Variants in GPM6A observed in about 807,000 individuals in gnomAD.
The protein encoded by GPM6A is glycoprotein M6A, also known as neuronal membrane glycoprotein M6-a.
A neutral mutation model predicts 32.1 loss-of-function variants in GPM6A; 7 were observed. The observed-to-expected ratio is 0.22, with a 90% CI of 0.12 to 0.41. The LOEUF (loss-of-function observed/expected upper bound fraction) is 0.41, where lower values mean the gene tolerates loss of function less well. Among genes scored for constraint, GPM6A ranks in the 10% least tolerant of loss-of-function variants. GPM6A has a pLI of 1.00. For missense variants in GPM6A, 235 were observed against 347.2 expected (o/e 0.68, Z 2.57); for synonymous variants, 130 against 123.4 (o/e 1.05, Z -0.35).
chr4:175,820,962 A>G (rs1258540821), intron 1 of GPM6A, among the ~76,000 whole-genome samples: 1 of 152,156 alleles, frequency 6.6e-6, no homozygotes. Flanking sequence ...ATTTTTATAT[A>G]TGTTTAGTGC....
intron 1 of GPM6A, among the ~76,000 whole-genome samples, chr4:175,722,584 A>C (rs2111119229): frequency 6.6e-6 from 1 of 152,044 alleles, no homozygotes; most frequent in African/African-American, 2.4e-5. Flanking sequence ...GGTGTCCATA[A>C]TTTACTTTTA....
chr4:175,869,184 A>G (rs1357328217), intron 1 of GPM6A, among the ~76,000 whole-genome samples: 3 of 152,110 alleles, frequency 2.0e-5, no homozygotes, highest in African/African-American at 7.2e-5. Context: ...CAAACCCATA[A>G]ATGCCAATGG....
intron 1 of GPM6A, among the ~76,000 whole-genome samples, chr4:175,747,311 G>GTATT (rs1221994231): frequency 2.0e-5 from 3 of 147,914 alleles, no homozygotes; most frequent in Non-Finnish European, 4.5e-5. Flanking sequence ...CTAAGACATA[G>GTATT]TATTTTTCAT....
chr4:175,786,217 G>A (rs886992308), intron 1 of GPM6A, among the ~76,000 whole-genome samples: 2 of 151,926 alleles, frequency 1.3e-5, no homozygotes, highest in Non-Finnish European at 2.9e-5. Flanking sequence ...ACCATGAATT[G>A]AGAATGTTTA....
At chr4:175,726,220 C>G (rs1254257716) in intron 1 of GPM6A, among the ~76,000 whole-genome samples, 1 of 151,594 alleles carries the variant, frequency 6.6e-6, no homozygotes, top group African/African-American at 2.4e-5. Flanking sequence ...AGAATGGTCT[C>G]GATCTCCTGA....
At chr4:175,846,769 G>A (rs1272835498) in intron 1 of GPM6A, among the ~76,000 whole-genome samples, 3 of 152,060 alleles carry the variant, frequency 2.0e-5, no homozygotes, top group Admixed American at 2.0e-4. Flanking sequence ...AAGAAATTGA[G>A]ATATAGAATG....
rs1354309004 is a variant in GPM6A at position 175,634,348 on chromosome 4, T to TTGATGAAAACATGAACC, written c.*540_*556dup. ...ACAAATTTAGAAATTGCACCTTAGATTGATGAAAACATGAACCAGGGCCTA... is the reference window on the plus strand; with the variant it reads ...ACAAATTTAGAAATTGCACCTTAGATTGATGAAAACATGAACCTGATGAAAACATGAACCAGGGCCTA... On this transcript the variant is annotated 3_prime_UTR_variant, in exon 7 of 7. Coordinates refer to ENST00000393658, the MANE Select transcript of GPM6A (RefSeq NM_201591.3). 1 of 152,510 alleles carries TTGATGAAAACATGAACC rather than the reference T, an allele frequency of 6.6e-6. No homozygotes were observed. The highest frequency in any genetic ancestry group is 1.5e-5 in the Non-Finnish European group (1 of 67,984). 9.4% of individuals were successfully genotyped at this position (152,510 alleles called of 1,614,324 possible). A position where few individuals can be genotyped will look rare whatever the true frequency, so the allele number is the denominator to read the frequency against.
intron 1 of GPM6A, among the ~76,000 whole-genome samples, chr4:175,719,157 T>C (rs535450532): frequency 1.3e-5 from 2 of 152,234 alleles, no homozygotes; most frequent in Non-Finnish European, 2.9e-5. Flanking sequence ...TTTTTAAAAT[T>C]CTATCTCATA....
At chr4:175,744,645 G>A (rs1247925834) in intron 1 of GPM6A, among the ~76,000 whole-genome samples, 1 of 152,046 alleles carries the variant, frequency 6.6e-6, no homozygotes, top group Non-Finnish European at 1.5e-5. Context: ...AATAACACAT[G>A]TAAAAGCCTT....
intron 3 of GPM6A, among the ~76,000 whole-genome samples, chr4:175,656,282 G>T (rs13144284): frequency 0.2 from 29,918 of 151,872 alleles, 3,340 homozygotes; most frequent in Non-Finnish European, 0.25. Flanking sequence ...TTAATTAATA[G>T]CTGACATATT....
intron 1 of GPM6A, among the ~76,000 whole-genome samples, chr4:175,760,293 A>G (rs1732688148): frequency 6.6e-6 from 1 of 152,234 alleles, no homozygotes; most frequent in African/African-American, 2.4e-5. Flanking sequence ...ACAGTTCCCA[A>G]GTGATTCCCA....
intron 1 of GPM6A, among the ~76,000 whole-genome samples, chr4:175,780,400 G>A (rs1170916693): frequency 6.6e-6 from 1 of 152,120 alleles, no homozygotes; most frequent in African/African-American, 2.4e-5. Flanking sequence ...TTCTTGCTCT[G>A]CAAAAGGAAG....
intron 3 of GPM6A, among the ~76,000 whole-genome samples, chr4:175,665,516 C>G (rs189874561): frequency 6.6e-6 from 1 of 152,052 alleles, no homozygotes; most frequent in Admixed American, 6.6e-5. Context: ...GGTGGTGGCT[C>G]AAGCCTGTAA....
chr4:175,672,592 C>T (rs961939909), intron 3 of GPM6A, among the ~76,000 whole-genome samples: 4 of 152,068 alleles, frequency 2.6e-5, no homozygotes, highest in African/African-American at 7.2e-5. Context: ...AACTAAGTTT[C>T]CCTGGATCTA....
chr4:175,996,732 T>C (rs1054888104), intron 1 of GPM6A, among the ~76,000 whole-genome samples: 7 of 152,206 alleles, frequency 4.6e-5, no homozygotes, highest in African/African-American at 1.7e-4. Context: ...AAAAATTTAG[T>C]CTTTAATCAT....
chr4:175,869,737 A>C (rs1579582147), intron 1 of GPM6A, among the ~76,000 whole-genome samples: 1 of 151,990 alleles, frequency 6.6e-6, no homozygotes, highest in South Asian at 2.1e-4. Context: ...AGCCTGGGTG[A>C]CAGAACAAGA....
At chr4:175,742,651 G>T (rs865957552) in intron 1 of GPM6A, among the ~76,000 whole-genome samples, 3 of 152,048 alleles carry the variant, frequency 2.0e-5, no homozygotes, top group Admixed American at 1.3e-4. Flanking sequence ...CTGTTTCTTA[G>T]AATAAATTTC....
At chr4:175,740,629 C>T (rs1186262740) in intron 1 of GPM6A, among the ~76,000 whole-genome samples, 3 of 151,828 alleles carry the variant, frequency 2.0e-5, no homozygotes. Context: ...GTAAAATTTG[C>T]TTCATGTATA....
chr4:175,828,097 A>G (rs1175162402), intron 1 of GPM6A, among the ~76,000 whole-genome samples: 1 of 152,192 alleles, frequency 6.6e-6, no homozygotes, highest in African/African-American at 2.4e-5. Context: ...ATATTCATAT[A>G]CTGATTTCTC....
Sources: allele counts gnomAD v4.1 joint callset (sites outside exome capture counted in the v4.1 genomes callset), GRCh38; gene constraint gnomAD v4.1.1; transcripts MANE v1.5; gene names NCBI Gene and HGNC (gene_info 2026-07-23, HGNC 2026-07-21).